The following UBE2V1 variants were observed in gnomAD, a reference collection of about 807,000 sequenced individuals.
The protein encoded by UBE2V1 is ubiquitin-conjugating enzyme E2 variant 1.
In UBE2V1, 15 loss-of-function variants were observed where a neutral mutation model predicts 19.6. The observed-to-expected ratio is 0.77, with a 90% CI of 0.51 to 1.18. The LOEUF is 1.18. Ranked by LOEUF, UBE2V1 falls within the 50% of genes most tolerant of loss-of-function variation. The pLI is 0.00. For synonymous variants in UBE2V1, 60 were observed against 60.7 expected (o/e 0.99, Z 0.05); for missense variants, 125 against 184.8 (o/e 0.68, Z 1.88).
intron 1 of UBE2V1, among the ~76,000 whole-genome samples, chr20:50,102,418 C>T (rs1275107052): frequency 6.6e-6 from 1 of 152,220 alleles, no homozygotes; most frequent in Non-Finnish European, 1.5e-5. Flanking sequence ...CTTGCATGTT[C>T]ATTGTACTCT....
chr20:50,086,868 T>C (rs1600968503), intron 2 of UBE2V1, among the ~76,000 whole-genome samples: 1 of 152,118 alleles, frequency 6.6e-6, no homozygotes, highest in Non-Finnish European at 1.5e-5. Flanking sequence ...ACAAGGTCAG[T>C]AGATCGAGAC....
intron 2 of UBE2V1, among the ~76,000 whole-genome samples, chr20:50,090,818 T>C (rs1451726293): frequency 6.6e-6 from 1 of 152,212 alleles, no homozygotes; most frequent in East Asian, 1.9e-4. Context: ...ACACACAAGG[T>C]AGCTACACGT....
intron 2 of UBE2V1, among the ~76,000 whole-genome samples, chr20:50,094,210 T>C (rs2147063899): frequency 7.3e-6 from 1 of 137,372 alleles, no homozygotes; most frequent in Non-Finnish European, 1.5e-5. Flanking sequence ...GTATATATAA[T>C]ATATAACATA....
At chr20:50,098,760 TAA>T in intron 1 of UBE2V1, 1 of 238,446 alleles carries the variant, frequency 4.2e-6, no homozygotes, top group Non-Finnish European at 6.8e-6. Context: ...TTCCCATTTA[TAA>T]TAATGGTAAA....
intron 2 of UBE2V1, among the ~76,000 whole-genome samples, chr20:50,087,922 G>C (rs1478373797): frequency 6.6e-6 from 1 of 151,964 alleles, no homozygotes; most frequent in Non-Finnish European, 1.5e-5. Context: ...AGGTATAGAC[G>C]ATACATTGTA....
chr20:50,094,114 AAATAT>A (rs2079440100), intron 2 of UBE2V1, among the ~76,000 whole-genome samples: 1 of 124,394 alleles, frequency 8.0e-6, no homozygotes, highest in Non-Finnish European at 1.7e-5. Flanking sequence ...ATTTAAATAA[AAATAT>A]ATTATATATT....
intron 1 of UBE2V1, among the ~76,000 whole-genome samples, chr20:50,104,677 AT>A (rs2080244860): frequency 6.8e-6 from 1 of 147,822 alleles, no homozygotes; most frequent in African/African-American, 2.5e-5. Context: ...AAAAAAAAAA[AT>A]TAACATACCT....
At chr20:50,101,399 T>C (rs927075823) in intron 1 of UBE2V1, among the ~76,000 whole-genome samples, 3 of 150,644 alleles carry the variant, frequency 2.0e-5, no homozygotes, top group African/African-American at 7.3e-5. Context: ...CTCAAAATCA[T>C]TGAAGACCTC....
intron 2 of UBE2V1, chr20:50,084,614 C>T (rs527386364): frequency 4.4e-6 from 2 of 457,710 alleles, no homozygotes; most frequent in Admixed American, 4.8e-5. Context: ...AATGTCCACT[C>T]ACCAGGATCA....
At chr20:50,098,302 T>A (rs911931979) in intron 1 of UBE2V1, among the ~76,000 whole-genome samples, 1 of 151,964 alleles carries the variant, frequency 6.6e-6, no homozygotes, top group African/African-American at 2.4e-5. Context: ...TCAAACCAAG[T>A]GAGGAAGATG....
chr20:50,100,733 G>A (rs1338398347), intron 1 of UBE2V1, among the ~76,000 whole-genome samples: 1 of 152,176 alleles, frequency 6.6e-6, no homozygotes, highest in Non-Finnish European at 1.5e-5. Context: ...AAATGTGTTA[G>A]TTTCTTATGT....
At chr20:50,103,372 T>C (rs181663418) in intron 1 of UBE2V1, among the ~76,000 whole-genome samples, 156 of 152,250 alleles carry the variant, frequency 1.0e-3, no homozygotes, top group African/African-American at 3.6e-3. Flanking sequence ...TTATAAGGAT[T>C]ATTAAAGGGG....
At chr20:50,103,866 T>C (rs1217548291) in intron 1 of UBE2V1, among the ~76,000 whole-genome samples, 1 of 151,492 alleles carries the variant, frequency 6.6e-6, no homozygotes, top group Non-Finnish European at 1.5e-5. Flanking sequence ...TTTTATTGTC[T>C]GACTCACTCT....
At chr20:50,101,179 T>C (rs543829063) in intron 1 of UBE2V1, among the ~76,000 whole-genome samples, 97 of 152,322 alleles carry the variant, frequency 6.4e-4, no homozygotes, top group African/African-American at 2.3e-3. Flanking sequence ...ATAGGACAAT[T>C]TGATTCTGAC....
chr20:50,100,947 T>G (rs1232599663), intron 1 of UBE2V1, among the ~76,000 whole-genome samples: 4 of 152,228 alleles, frequency 2.6e-5, no homozygotes, highest in African/African-American at 9.6e-5. Flanking sequence ...GATATTTAAT[T>G]TTTACTTGTG....
chr20:50,103,808 C>T (rs1021278569), intron 1 of UBE2V1, among the ~76,000 whole-genome samples: 3 of 152,106 alleles, frequency 2.0e-5, no homozygotes, highest in Non-Finnish European at 4.4e-5. Flanking sequence ...CCTTTACTTC[C>T]ACACAGGCAT....
intron 1 of UBE2V1, among the ~76,000 whole-genome samples, chr20:50,106,633 A>G (rs1424966890): frequency 6.6e-6 from 1 of 151,940 alleles, no homozygotes; most frequent in East Asian, 1.9e-4. Flanking sequence ...GAGTTCGAGA[A>G]CAGCCTGACC....
At position 50,087,048 on chromosome 20, in the gene UBE2V1, G is replaced by A. The variant is rs373785954; in HGVS notation, c.172-2794C>T. Among the ~76,000 whole-genome samples the A allele has an allele frequency of 1.6e-3, 239 of 152,230 alleles. 1 individual carries two copies. The highest frequency in any genetic ancestry group is 5.5e-3 in the African/African-American group (229 of 41,532). ...GCCGAGATTGCGCCACTGCACTCCA[G>A]CCTGGGCGACAGTGCGAGACTCCAT... is the stretch of plus-strand genomic sequence containing the variant. On this transcript the variant is annotated intron_variant, in intron 2 of 3. Coordinates refer to ENST00000371674, the MANE Select transcript of UBE2V1 (RefSeq NM_001032288.3).
At position 50,082,363 on chromosome 20, in the gene UBE2V1, G is replaced by A; in HGVS notation, c.*405C>T. Reference sequence around the variant, plus strand: ...CAGGCTAGAGGGCTGTTGTTGCAGGGAGGGTGGGAGGCGGGAGGGTAAGGG... The same window carrying A: ...CAGGCTAGAGGGCTGTTGTTGCAGGAAGGGTGGGAGGCGGGAGGGTAAGGG... On this transcript the variant is annotated 3_prime_UTR_variant, in exon 4 of 4. Transcript: ENST00000371674. The A allele has an allele frequency of 5.3e-6, 1 of 188,612 alleles. No homozygotes were observed. The highest frequency in any genetic ancestry group is 1.1e-5 in the Non-Finnish European group (1 of 89,848). The allele number at this position is 188,612 out of a possible 1,614,324, so 11.7% of individuals were successfully genotyped here.
Sources: allele counts gnomAD v4.1 joint callset (sites outside exome capture counted in the v4.1 genomes callset), GRCh38; gene constraint gnomAD v4.1.1; transcripts MANE v1.5; gene names NCBI Gene and HGNC (gene_info 2026-07-23, HGNC 2026-07-21).